The following CSMD3 variants were observed in gnomAD, a reference collection of about 807,000 sequenced individuals.
CSMD3 encodes CUB and sushi domain-containing protein 3.
In CSMD3, 177 loss-of-function variants were observed where a neutral mutation model predicts 435.2. The ratio of observed to expected loss-of-function variants is 0.41; its 90% confidence interval spans 0.36 to 0.46. The LOEUF (loss-of-function observed/expected upper bound fraction) is 0.46. Among genes scored for constraint, CSMD3 ranks in the 20% least tolerant of loss-of-function variants. The pLI, the probability that CSMD3 is intolerant of heterozygous loss-of-function variation, is 0.34. For synonymous variants in CSMD3, 1,656 were observed against 1,520.5 expected (o/e 1.09, Z -2.07); for missense variants, 4,265 against 4,504.6 (o/e 0.95, Z 1.52).
intron 40 of CSMD3, among the ~76,000 whole-genome samples, chr8:112,347,922 CTT>C (rs1825812886): frequency 6.6e-6 from 1 of 152,180 alleles, no homozygotes. Flanking sequence ...AATTTCAAGT[CTT>C]TGAGCTGCTG....
In CSMD3 at chr8:112,380,496, A is replaced by G. The variant is rs186244203; in HGVS notation, c.6032-40T>C. 9 of 955,478 alleles carry G rather than the reference A, an allele frequency of 9.4e-6. 1 individual carries two copies. In the East Asian group the frequency reaches 9.6e-5, roughly 10 times the overall value. The allele number at this position is 955,478 out of a possible 1,614,324, so 59.2% of individuals were successfully genotyped here. A position where few individuals can be genotyped will look rare whatever the true frequency, so the allele number is the denominator to read the frequency against. On this transcript the variant is annotated intron_variant, in intron 37 of 70. Coordinates refer to ENST00000297405, the MANE Select transcript of CSMD3 (RefSeq NM_198123.2). ...GAGAAGGCAAGACAATGACCACATA[A>G]TAAGTACTATAATAAAATTAAGTAA...
chr8:113,244,714 T>C (rs2093257494), intron 3 of CSMD3, among the ~76,000 whole-genome samples: 2 of 152,190 alleles, frequency 1.3e-5, no homozygotes, highest in Non-Finnish European at 2.9e-5. Context: ...AAATTTTTCT[T>C]CATTGAGTTG....
At chr8:112,474,071 GT>G (rs1317802528) in intron 31 of CSMD3, among the ~76,000 whole-genome samples, 2 of 152,084 alleles carry the variant, frequency 1.3e-5, no homozygotes, top group African/African-American at 2.4e-5. Context: ...CCAAAAGGAG[GT>G]TTTTTGGTGC....
intron 3 of CSMD3, among the ~76,000 whole-genome samples, chr8:113,263,713 A>G (rs896971059): frequency 1.3e-5 from 2 of 151,878 alleles, no homozygotes; most frequent in African/African-American, 4.8e-5. Context: ...AAAAGAACAT[A>G]TAAAATCTGA....
chr8:112,508,002 T>G (rs186755077), intron 28 of CSMD3, among the ~76,000 whole-genome samples: 3 of 152,296 alleles, frequency 2.0e-5, no homozygotes, highest in Non-Finnish European at 2.9e-5. Flanking sequence ...GCTTCGATGT[T>G]CTGTAGTCCT....
At chr8:112,253,670 A>G (rs1284896809) in intron 63 of CSMD3, among the ~76,000 whole-genome samples, 1 of 152,034 alleles carries the variant, frequency 6.6e-6, no homozygotes, top group Non-Finnish European at 1.5e-5. Context: ...AAATTGGAAA[A>G]AGAGAGAACA....
At chr8:112,288,573 T>C (rs1819448148) in intron 57 of CSMD3, among the ~76,000 whole-genome samples, 1 of 151,724 alleles carries the variant, frequency 6.6e-6, no homozygotes, top group African/African-American at 2.4e-5. Context: ...AGAGATAAAG[T>C]AGTGTAAAGA....
intron 13 of CSMD3, among the ~76,000 whole-genome samples, chr8:112,795,272 T>C (rs974477574): frequency 6.6e-6 from 1 of 152,066 alleles, no homozygotes; most frequent in African/African-American, 2.4e-5. Flanking sequence ...GGATTGGTCA[T>C]CATGTTCAAG....
chr8:113,436,255 T>C (rs916482300), intron 1 of CSMD3, among the ~76,000 whole-genome samples: 2 of 152,186 alleles, frequency 1.3e-5, no homozygotes, highest in African/African-American at 4.8e-5. Context: ...ATAACTTTCT[T>C]CCCTGAAAGG....
At chr8:112,617,512 A>G (rs1833754893) in intron 22 of CSMD3, among the ~76,000 whole-genome samples, 1 of 152,178 alleles carries the variant, frequency 6.6e-6, no homozygotes, top group Non-Finnish European at 1.5e-5. Context: ...AGTACATGGC[A>G]GTTTCAAATC....
intron 32 of CSMD3, among the ~76,000 whole-genome samples, chr8:112,430,647 G>C (rs1373574856): frequency 3.3e-5 from 5 of 151,952 alleles, no homozygotes; most frequent in African/African-American, 4.8e-5. Flanking sequence ...AATATATTAA[G>C]AGGTATAGTA....
intron 58 of CSMD3, among the ~76,000 whole-genome samples, chr8:112,284,622 T>C (rs960802940): frequency 6.6e-6 from 1 of 151,942 alleles, no homozygotes; most frequent in Non-Finnish European, 1.5e-5. Context: ...TAAGCAATAC[T>C]TTTCCTAGTG....
At chr8:112,291,452 A>C (rs576966342) in intron 56 of CSMD3, 58 bp downstream of exon 56, 1 of 1,149,290 alleles carries the variant, frequency 8.7e-7, no homozygotes, top group Non-Finnish European at 1.3e-6. Flanking sequence ...AAAGATGATA[A>C]ACATTCCTAT....
chr8:113,410,731 A>T, intron 1 of CSMD3, among the ~76,000 whole-genome samples: 1 of 105,240 alleles, frequency 9.5e-6, no homozygotes, highest in African/African-American at 4.2e-5. Context: ...GTGAGACCTC[A>T]TCTGTACTGG....
chr8:112,752,734 T>G (rs1357059003), intron 13 of CSMD3, among the ~76,000 whole-genome samples: 1 of 152,192 alleles, frequency 6.6e-6, no homozygotes, highest in African/African-American at 2.4e-5. Flanking sequence ...TTAGTCAATA[T>G]ATATTCTCTA....
chr8:113,070,285 A>G (rs2089051681), intron 5 of CSMD3, among the ~76,000 whole-genome samples: 1 of 152,012 alleles, frequency 6.6e-6, no homozygotes, highest in Non-Finnish European at 1.5e-5. Flanking sequence ...GCTGCATGGG[A>G]GTGTTTAAAG....
intron 3 of CSMD3, among the ~76,000 whole-genome samples, chr8:113,246,550 G>C (rs2093278189): frequency 6.6e-6 from 1 of 151,872 alleles, no homozygotes; most frequent in Non-Finnish European, 1.5e-5. Flanking sequence ...TAAAGTCTTT[G>C]TCTAGTAAGT....
intron 1 of CSMD3, among the ~76,000 whole-genome samples, chr8:113,368,635 G>A (rs1416499085): frequency 6.6e-6 from 1 of 151,974 alleles, no homozygotes; most frequent in African/African-American, 2.4e-5. Flanking sequence ...CCTTTTATCC[G>A]CAGTTATAAG....
intron 32 of CSMD3, among the ~76,000 whole-genome samples, chr8:112,416,789 AT>A (rs1489987101): frequency 1.3e-5 from 2 of 152,032 alleles, no homozygotes; most frequent in African/African-American, 4.8e-5. Flanking sequence ...GAGTATCCTA[AT>A]GGCATGACAG....
Sources: gnomAD v4.1 joint callset for allele counts (sites outside exome capture counted in the v4.1 genomes callset) on GRCh38, gnomAD v4.1.1 for gene constraint, MANE v1.5 for transcripts, NCBI Gene and HGNC (gene_info 2026-07-23, HGNC 2026-07-21) for gene names.